The following WDFY2 variants were observed in gnomAD, a reference collection of about 807,000 sequenced individuals.
The protein encoded by WDFY2 is WD repeat and FYVE domain-containing protein 2.
In WDFY2, 36 loss-of-function variants were observed where a neutral mutation model predicts 56.4. The observed-to-expected ratio is 0.64, with a 90% CI of 0.49 to 0.84. The LOEUF is 0.84. Among genes scored for constraint, WDFY2 ranks in the 40% least tolerant of loss-of-function variants. The pLI is 0.00. For missense variants in WDFY2, 444 were observed against 512.2 expected (o/e 0.87, Z 1.29); for synonymous variants, 176 against 183.7 (o/e 0.96, Z 0.34).
At chr13:51,650,556 T>C (rs1445933638) in intron 1 of WDFY2, among the ~76,000 whole-genome samples, 2 of 151,926 alleles carry the variant, frequency 1.3e-5, no homozygotes, top group Non-Finnish European at 2.9e-5. Context: ...GGGTTTGTCA[T>C]AAATAGCTCT....
intron 7 of WDFY2, among the ~76,000 whole-genome samples, chr13:51,745,311 A>G (rs1471766024): frequency 1.3e-5 from 2 of 152,240 alleles, no homozygotes; most frequent in Non-Finnish European, 2.9e-5. Flanking sequence ...ATTTTATATT[A>G]GGCATTAATT....
chr13:51,753,147 A>G (rs373367885), intron 8 of WDFY2: 27 of 152,414 alleles, frequency 1.8e-4, no homozygotes, highest in African/African-American at 6.0e-4. Context: ...TGAAGGATCA[A>G]CAGAGTCTGG....
chr13:51,603,794 A>G (rs747952873), intron 1 of WDFY2, among the ~76,000 whole-genome samples: 2 of 152,216 alleles, frequency 1.3e-5, no homozygotes, highest in African/African-American at 2.4e-5. Flanking sequence ...AAGCAAAATA[A>G]TGGATATGAA....
intron 1 of WDFY2, among the ~76,000 whole-genome samples, chr13:51,613,632 A>C (rs1954546438): frequency 6.6e-6 from 1 of 152,190 alleles, no homozygotes; most frequent in African/African-American, 2.4e-5. Context: ...TTAATGACAA[A>C]AATACATACT....
At chr13:51,609,641 T>C (rs1016205124) in intron 1 of WDFY2, among the ~76,000 whole-genome samples, 5 of 99,314 alleles carry the variant, frequency 5.0e-5, no homozygotes, top group African/African-American at 2.0e-4. Context: ...CAGGTTAACA[T>C]ATGTTTAAGA....
intron 1 of WDFY2, among the ~76,000 whole-genome samples, chr13:51,632,524 T>G (rs1343267924): frequency 6.6e-6 from 1 of 152,218 alleles, no homozygotes; most frequent in Non-Finnish European, 1.5e-5. Flanking sequence ...GTGGAGCAGG[T>G]CTTTCAGGTT....
intron 4 of WDFY2, among the ~76,000 whole-genome samples, chr13:51,704,514 A>G (rs1194121733): frequency 2.6e-5 from 4 of 152,220 alleles, no homozygotes; most frequent in African/African-American, 9.6e-5. Flanking sequence ...ATGTTCCTCT[A>G]TTGGTGTTTG....
chr13:51,759,165 A>G (rs1953497746), intron 11 of WDFY2, among the ~76,000 whole-genome samples: 2 of 152,214 alleles, frequency 1.3e-5, no homozygotes, highest in African/African-American at 4.8e-5. Flanking sequence ...TGGGTGACAG[A>G]GCAAGACCCT....
At chr13:51,699,822 A>G (rs1194616284) in intron 3 of WDFY2, among the ~76,000 whole-genome samples, 1 of 152,236 alleles carries the variant, frequency 6.6e-6, no homozygotes, top group Non-Finnish European at 1.5e-5. Context: ...GAGCCAGCAT[A>G]TCTTCTACAT....
chr13:51,619,966 CTT>C (rs1314845347), intron 1 of WDFY2, among the ~76,000 whole-genome samples: 10 of 152,166 alleles, frequency 6.6e-5, no homozygotes, highest in African/African-American at 2.4e-4. Context: ...TTAGGCCTAA[CTT>C]AAAGTATGTA....
At chr13:51,674,918 C>T (rs1345170698) in intron 2 of WDFY2, among the ~76,000 whole-genome samples, 3 of 152,152 alleles carry the variant, frequency 2.0e-5, no homozygotes, top group Non-Finnish European at 4.4e-5. Context: ...CAGAACCAGC[C>T]AAGACCAAGC....
At chr13:51,680,226 C>A (rs1455748265) in intron 3 of WDFY2, among the ~76,000 whole-genome samples, 2 of 152,182 alleles carry the variant, frequency 1.3e-5, no homozygotes, top group Non-Finnish European at 2.9e-5. Flanking sequence ...CTCTCACTTC[C>A]AAGTAGCTGG....
intron 4 of WDFY2, among the ~76,000 whole-genome samples, chr13:51,705,332 A>G (rs1952061197): frequency 1.3e-5 from 2 of 152,196 alleles, no homozygotes; most frequent in African/African-American, 2.4e-5. Flanking sequence ...AACTGCACCA[A>G]TACTTCAGAC....
intron 8 of WDFY2, 148 bp from the exon 9 acceptor site, chr13:51,755,210 T>C: frequency 1.4e-6 from 1 of 713,034 alleles, no homozygotes; most frequent in Non-Finnish European, 2.4e-6. Context: ...AGGCATTCAG[T>C]AAATATTTTT....
intron 7 of WDFY2, among the ~76,000 whole-genome samples, chr13:51,747,254 G>A: frequency 6.6e-6 from 1 of 152,248 alleles, no homozygotes; most frequent in East Asian, 1.9e-4. Context: ...ATGAGGGAAA[G>A]TAAAATTCCC....
At chr13:51,602,784 C>T (rs1372775971) in intron 1 of WDFY2, among the ~76,000 whole-genome samples, 1 of 152,202 alleles carries the variant, frequency 6.6e-6, no homozygotes, top group Non-Finnish European at 1.5e-5. Flanking sequence ...CTAGTATGAC[C>T]TCCCATGAGG....
At chr13:51,707,365 C>G (rs1023284649) in intron 4 of WDFY2, among the ~76,000 whole-genome samples, 8 of 152,098 alleles carry the variant, frequency 5.3e-5, no homozygotes, top group Admixed American at 2.6e-4. Flanking sequence ...TGCCATGTTG[C>G]CCAGGCTGGT....
At chr13:51,706,156 A>G (rs990495819) in intron 4 of WDFY2, among the ~76,000 whole-genome samples, 18 of 152,224 alleles carry the variant, frequency 1.2e-4, no homozygotes, top group Non-Finnish European at 2.9e-5. Context: ...CTAGAGTACT[A>G]TGGAAACCTA....
At chr13:51,631,709 A>G (rs1405959285) in intron 1 of WDFY2, among the ~76,000 whole-genome samples, 2 of 152,124 alleles carry the variant, frequency 1.3e-5, no homozygotes, top group Non-Finnish European at 2.9e-5. Context: ...GACACGCATT[A>G]TTTAGACGAG....
Sources: gnomAD v4.1 joint callset for allele counts (sites outside exome capture counted in the v4.1 genomes callset) on GRCh38, gnomAD v4.1.1 for gene constraint, MANE v1.5 for transcripts, NCBI Gene and HGNC (gene_info 2026-07-23, HGNC 2026-07-21) for gene names.